Variants in TNR observed in about 807,000 individuals in gnomAD.
TNR encodes tenascin R, also known as tenascin-R.
TNR carries 45 observed loss-of-function variants against 150.4 expected under a neutral mutation model. The ratio of observed to expected loss-of-function variants is 0.30; its 90% CI spans 0.24 to 0.38. The LOEUF is 0.38. Ranked by LOEUF, TNR falls within the 10% of genes least tolerant of loss-of-function variation. The pLI is 1.00. For synonymous variants in TNR, 687 were observed against 678.4 expected, an observed-to-expected ratio of 1.01 and a Z score of -0.20; for missense variants, 1,544 against 1,759.1, an observed-to-expected ratio of 0.88 and a Z score of 2.19.
At chr1:175,624,369 T>C in intron 1 of TNR, among the ~76,000 whole-genome samples, 1 of 152,098 alleles carries the variant, frequency 6.6e-6, no homozygotes, top group Non-Finnish European at 1.5e-5. Flanking sequence ...GGAAAAAGGA[T>C]CTTTGCAGAT....
intron 2 of TNR, among the ~76,000 whole-genome samples, chr1:175,456,963 G>A (rs1290440307): frequency 6.6e-6 from 1 of 152,092 alleles, no homozygotes; most frequent in African/African-American, 2.4e-5. Context: ...TGCTGTGGGG[G>A]GCATTTCAAT....
chr1:175,513,516 A>T (rs1571545640), intron 2 of TNR, among the ~76,000 whole-genome samples: 1 of 151,522 alleles, frequency 6.6e-6, no homozygotes, highest in South Asian at 2.1e-4. Flanking sequence ...CAGGGGAGGG[A>T]CCCTCCCCAG....
At position 175,647,435 on chromosome 1, in the gene TNR, C is replaced by CAAAAAAAAAAAAAAAAAAAAAAAAAA. The variant is rs397745737; in HGVS notation, c.-165+95790_-165+95791insTTTTTTTTTTTTTTTTTTTTTTTTTT. ...AAAATACGCTTGTTACTATTCGGTG[C>CAAAAAAAAAAAAAAAAAAAAAAAAAA]AAAAAAAAAAAAAACCTCATTGTCT... On this transcript the variant is annotated intron_variant, in intron 1 of 22. Transcript: ENST00000367674. 5.1e-4 allele frequency among the ~76,000 whole-genome samples: 62 copies of CAAAAAAAAAAAAAAAAAAAAAAAAAA among 121,634 alleles called. 3 individuals carry two copies. The highest frequency in any genetic ancestry group is 1.8e-3 in the African/African-American group (58 of 32,718). The allele number at this position is 121,634 out of a possible 152,430, so 79.8% of individuals were successfully genotyped here.
Position 175,359,607 on chromosome 1 carries a change from C to A in TNR, c.2974+5G>T. 1.2e-6 allele frequency: 2 copies of A among 1,613,284 alleles called. No homozygotes were observed. Among genetic ancestry groups the A allele is most frequent in the Non-Finnish European group, 1.7e-6 (2 of 1,179,766 alleles). On this transcript the variant is annotated splice_donor_5th_base_variant and intron_variant, in intron 15 of 22. Transcript: ENST00000367674. ...TGCCTGATCTGCAGGCCTGCAGACA[C>A]CCACCTGCAAAGTGTGTAAGAACAA...
At chr1:175,416,900 C>T (rs1272358946) in intron 2 of TNR, among the ~76,000 whole-genome samples, 3 of 151,990 alleles carry the variant, frequency 2.0e-5, no homozygotes, top group South Asian at 4.2e-4. Flanking sequence ...CCCAGCTACT[C>T]GGGAGGCTGA....
At chr1:175,620,064 T>A (rs936651030) in intron 1 of TNR, among the ~76,000 whole-genome samples, 1 of 152,218 alleles carries the variant, frequency 6.6e-6, no homozygotes. Context: ...TAATGCGTAA[T>A]TTCACATAGA....
At chr1:175,343,104 T>C (rs572577214) in intron 18 of TNR, among the ~76,000 whole-genome samples, 1 of 152,302 alleles carries the variant, frequency 6.6e-6, no homozygotes, top group African/African-American at 2.4e-5. Context: ...CTTTTTATAG[T>C]GTGAATGTGA....
chr1:175,606,244 A>G (rs990815544), intron 1 of TNR, among the ~76,000 whole-genome samples: 2 of 152,126 alleles, frequency 1.3e-5, no homozygotes. Flanking sequence ...GCCCTCTGTC[A>G]AGGGAATAAT....
intron 1 of TNR, among the ~76,000 whole-genome samples, chr1:175,671,123 T>A (rs1294352625): frequency 6.6e-6 from 1 of 152,138 alleles, no homozygotes; most frequent in Admixed American, 6.5e-5. Context: ...TAGGGGTATC[T>A]AAGTCTAGGA....
chr1:175,414,345 CAAAT>C (rs1332772458), intron 2 of TNR, among the ~76,000 whole-genome samples: 1 of 151,234 alleles, frequency 6.6e-6, no homozygotes, highest in Non-Finnish European at 1.5e-5. Context: ...GGTGGAGAAA[CAAAT>C]AAGAGTTTCG....
chr1:175,331,209 CCT>C (rs1649902649), intron 20 of TNR, among the ~76,000 whole-genome samples: 1 of 138,308 alleles, frequency 7.2e-6, no homozygotes, highest in Non-Finnish European at 1.6e-5. Context: ...TTCCTTCCTT[CCT>C]TCCTTCCTTC....
intron 4 of TNR, among the ~76,000 whole-genome samples, chr1:175,401,162 C>A (rs1338528243): frequency 5.9e-5 from 9 of 152,164 alleles, no homozygotes; most frequent in Non-Finnish European, 8.8e-5. Flanking sequence ...CCTGAGGTAG[C>A]CAGGAGGGTT....
intron 1 of TNR, among the ~76,000 whole-genome samples, chr1:175,705,409 A>C (rs1666818869): frequency 6.6e-6 from 1 of 152,204 alleles, no homozygotes; most frequent in Admixed American, 6.5e-5. Context: ...ATTGTTTTCT[A>C]AGGCTTATGA....
intron 18 of TNR, among the ~76,000 whole-genome samples, chr1:175,338,171 T>C (rs565795390): frequency 1.3e-5 from 2 of 152,334 alleles, no homozygotes; most frequent in Admixed American, 6.5e-5. Flanking sequence ...ATCTTTACAG[T>C]AGCCATTAAG....
At chr1:175,452,126 C>T (rs2102094499) in intron 2 of TNR, among the ~76,000 whole-genome samples, 1 of 152,324 alleles carries the variant, frequency 6.6e-6, no homozygotes. Context: ...ACCGGTGCCT[C>T]CCTTCTGTCA....
intron 2 of TNR, among the ~76,000 whole-genome samples, chr1:175,494,159 G>A (rs1477108688): frequency 6.8e-6 from 1 of 146,156 alleles, no homozygotes; most frequent in African/African-American, 2.5e-5. Flanking sequence ...CCCTCCCGCC[G>A]GCCTCTCTCT....
chr1:175,649,856 T>G (rs1425766041), intron 1 of TNR, among the ~76,000 whole-genome samples: 4 of 152,208 alleles, frequency 2.6e-5, no homozygotes, highest in Non-Finnish European at 5.9e-5. Context: ...GCTCCTCACA[T>G]GCACCCTCTG....
intron 1 of TNR, among the ~76,000 whole-genome samples, chr1:175,657,853 GTATATATATATATATATATATA>G (rs59315046): frequency 1.4e-5 from 1 of 70,460 alleles, no homozygotes; most frequent in Non-Finnish European, 2.8e-5. Flanking sequence ...CATGGAACAT[GTATATATATATATATATATATA>G]TATATATATG....
chr1:175,476,782 T>G (rs961068030), intron 2 of TNR, among the ~76,000 whole-genome samples: 1 of 152,194 alleles, frequency 6.6e-6, no homozygotes, highest in Non-Finnish European at 1.5e-5. Context: ...ACCTGACATA[T>G]TACCAGAACC....
Sources: gnomAD v4.1 joint callset for allele counts (sites outside exome capture counted in the v4.1 genomes callset) on GRCh38, gnomAD v4.1.1 for gene constraint, MANE v1.5 for transcripts, NCBI Gene and HGNC (gene_info 2026-07-23, HGNC 2026-07-21) for gene names.